Variants in DACT3 observed in about 807,000 individuals in gnomAD.
DACT3 encodes the protein dishevelled binding antagonist of beta catenin 3.
Under a neutral mutation model 19.6 loss-of-function variants are expected in DACT3, and 5 were observed. The ratio of observed to expected loss-of-function variants is 0.26; its 90% confidence interval spans 0.13 to 0.54. The LOEUF is 0.54. DACT3 is among the 20% of genes least tolerant of loss of function. DACT3 has a pLI of 0.95. For missense variants in DACT3, 908 were observed against 927.4 expected, an observed-to-expected ratio of 0.98 and a Z score of 0.27; for synonymous variants, 454 against 428.1, an observed-to-expected ratio of 1.06 and a Z score of -0.75.
At position 46,649,612 on chromosome 19, in the gene DACT3, A is replaced by G; in HGVS notation, c.760T>C (p.Ser254Pro). The G allele has an allele frequency of 2.6e-6, 3 of 1,133,110 alleles. No homozygotes were observed. The highest frequency in any genetic ancestry group is 3.3e-6 in the Non-Finnish European group (3 of 922,058). The allele number at this position is 1,133,110 out of a possible 1,614,324, so 70.2% of individuals were successfully genotyped here. A position where few individuals can be genotyped will look rare whatever the true frequency, so the allele number is the denominator to read the frequency against. Residue 254 changes from serine to proline, a missense_variant, in exon 4 of 4, where the codon TCG (serine) becomes CCG (proline). Physicochemically the swap from Ser to Pro is moderately conservative, Grantham distance 74. This residue lies in a region of DACT3 where 656 missense variants were observed against 601.8 expected (regional missense o/e 1.09). Coordinates refer to ENST00000391916, the MANE Select transcript of DACT3 (RefSeq NM_145056.3). ...CGGCGGCGCCTGCGCAGGAGCGCCG[A>G]GATGTAGCCGTCCAGGGGCCGCCCT... ...GAGRPLDGYI[S>P]ALLRRRRRRG...
rs1253373949 is a variant in DACT3, at chr19:46,648,907, G to A, written c.1465C>T (p.Arg489Cys). The A allele has an allele frequency of 1.8e-5, 25 of 1,356,828 alleles. No homozygotes were observed. The highest frequency in any genetic ancestry group is 2.7e-4 in the Middle Eastern group (1 of 3,702). 84.0% of individuals were successfully genotyped at this position (1,356,828 alleles called of 1,614,324 possible). A position where few individuals can be genotyped will look rare whatever the true frequency, so the allele number is the denominator to read the frequency against. The change falls in exon 4 of 4, where the codon CGC (arginine) becomes TGC (cysteine). Residue 489 changes from arginine (R) to cysteine (C), a missense_variant. Physicochemically the swap from Arg to Cys is radical, Grantham distance 180 (BLOSUM62 -3). Coordinates refer to ENST00000391916, the MANE Select transcript of DACT3 (RefSeq NM_145056.3). This position sits in a 1 kb window ranked among gnomAD's most constrained non-coding sequence, Gnocchi z 5.1. ...GCCGCAGGGGCTCGGGGCCGCACGC[G>A]GCGCCCATCGGCAGCGTCGATCTCC... is the stretch of plus-strand genomic sequence containing the variant. ...TAEIDAADGR[R>C]VRPRAPAARV...
intron 3 of DACT3, chr19:46,651,827 G>A (rs1483613208): frequency 6.6e-6 from 1 of 152,082 alleles, no homozygotes; most frequent in African/African-American, 2.4e-5. Flanking sequence ...AGCCTCCCAA[G>A]TAGCTGGGAT....
At chr19:46,655,308 C>T (rs2053024635) in intron 1 of DACT3, among the ~76,000 whole-genome samples, 1 of 152,026 alleles carries the variant, frequency 6.6e-6, no homozygotes, top group African/African-American at 2.4e-5. Flanking sequence ...GTAATGACCT[C>T]TTGATTTAAA....
chr19:46,658,476 C>T (rs1469051678), intron 1 of DACT3, among the ~76,000 whole-genome samples: 6 of 152,158 alleles, frequency 3.9e-5, no homozygotes, highest in African/African-American at 4.8e-5. Context: ...AGTCTAATTC[C>T]GGTTCTTCCA....
At position 46,649,100 on chromosome 19, in the gene DACT3, G is replaced by C; in HGVS notation, c.1272C>G (p.Ser424=). The change falls in exon 4 of 4, where the codon TCC becomes TCG. Residue 424 remains serine, a synonymous_variant. Transcript: ENST00000391916. The part of the protein sequence containing the change: ...GSPRARKASR[S]QSETSLLGRA... ...GGCCCAGCAGGCTGGTCTCAGACTG[G>C]GAGCGCGAGGCCTTGCGGGCCCTGG... 7.7e-7 allele frequency: 1 copy of C among 1,298,304 alleles called. No individual in the cohort carries two copies. The highest frequency in any genetic ancestry group is 9.8e-7 in the Non-Finnish European group (1 of 1,024,652). 80.4% of individuals were successfully genotyped at this position (1,298,304 alleles called of 1,614,324 possible).
At chr19:46,653,127 A>T in intron 1 of DACT3, 52 bp from the exon 2 acceptor site, 1 of 1,543,442 alleles carries the variant, frequency 6.5e-7, no homozygotes, top group South Asian at 1.2e-5. Context: ...TCCTCTGCCG[A>T]CTGGTCCCCT....
intron 1 of DACT3, chr19:46,654,935 G>A: frequency 1.0e-6 from 1 of 985,136 alleles, no homozygotes; most frequent in Non-Finnish European, 1.2e-6. Context: ...TTCCACTCTG[G>A]GCTCCTGCCC....
At chr19:46,649,984 T>G in intron 3 of DACT3, 112 bp from the exon 4 acceptor site, 1 of 1,197,474 alleles carries the variant, frequency 8.4e-7, no homozygotes, top group Non-Finnish European at 1.1e-6. Context: ...CTCCCTTCCA[T>G]CCTCATCGCA....
At position 46,649,055 on chromosome 19, in the gene DACT3, C is replaced by T. The variant is rs1213458795; in HGVS notation, c.1317G>A (p.Ser439=). 1.6e-6 allele frequency: 2 copies of T among 1,287,162 alleles called. No homozygotes were observed. The highest frequency in any genetic ancestry group is 2.2e-5 in the South Asian group (1 of 44,506). The allele number at this position is 1,287,162 out of a possible 1,614,324, so 79.7% of individuals were successfully genotyped here. A position where few individuals can be genotyped will look rare whatever the true frequency, so the allele number is the denominator to read the frequency against. The change falls in exon 4 of 4, where the codon TCG becomes TCA. Residue 439 remains serine, a synonymous_variant. Transcript: ENST00000391916. Reference sequence around the variant, plus strand: ...CCGCCGTGGGGTACTTAGGGGGCCCCGAAGGGACCGCGGAGGCGCGGCCCA... The same window carrying T: ...CCGCCGTGGGGTACTTAGGGGGCCCTGAAGGGACCGCGGAGGCGCGGCCCA... ...SLLGRASAVP[S]GPPKYPTAER...
intron 3 of DACT3, chr19:46,651,963 G>C (rs1182905528): frequency 6.6e-6 from 1 of 152,014 alleles, no homozygotes; most frequent in East Asian, 1.9e-4. Flanking sequence ...GCTCCATCTT[G>C]GCTCACTGCA....
intron 1 of DACT3, chr19:46,653,971 A>G (rs1432366849): frequency 1.0e-6 from 1 of 984,894 alleles, no homozygotes; most frequent in Non-Finnish European, 1.2e-6. Context: ...TTTCCCCCAT[A>G]TGGGTAAAAT....
chr19:46,648,611 C>T lies in DACT3; in HGVS notation c.1761G>A (p.Gly587=), dbSNP rs765765921. The T allele has an allele frequency of 6.2e-7, 1 of 1,613,258 alleles. No homozygotes were observed. The highest frequency in any genetic ancestry group is 8.5e-7 in the Non-Finnish European group (1 of 1,179,680). The change falls in exon 4 of 4, where the codon GGG becomes GGA. Residue 587 remains glycine, a synonymous_variant. Coordinates refer to ENST00000391916, the MANE Select transcript of DACT3 (RefSeq NM_145056.3). The surrounding 1 kb of genome is among the most constrained non-coding windows in gnomAD (Gnocchi z 5.1). ...CGGGCGCCCCTGCACCTGCTCCACCCCCAGAGGCCGCGGTGGCCGCCACCA... is the reference window on the plus strand; with the variant it reads ...CGGGCGCCCCTGCACCTGCTCCACCTCCAGAGGCCGCGGTGGCCGCCACCA... ...QQLVAATAAS[G]GGAGAGAPAG... is the part of the protein sequence containing the mutation.
intron 1 of DACT3, among the ~76,000 whole-genome samples, chr19:46,655,901 GTCTC>G (rs140521907): frequency 1.5e-5 from 2 of 131,850 alleles, no homozygotes; most frequent in Admixed American, 7.9e-5. Context: ...GTGAGACCCA[GTCTC>G]TCTCTCTCTC....
rs1488803510 is a variant in DACT3 at position 46,649,574 on chromosome 19, G to A, written c.798C>T (p.Gly266=). 1.8e-6 allele frequency: 2 copies of A among 1,083,412 alleles called. No homozygotes were observed. The highest frequency in any genetic ancestry group is 1.6e-4 in the East Asian group (2 of 12,692). The allele number at this position is 1,083,412 out of a possible 1,614,324, so 67.1% of individuals were successfully genotyped here. ...LLRRRRRRGA[G]QPRTSPGGAD... The stretch of plus-strand genomic sequence containing the variant: ...CGCCCCCGGGACTGGTCCGGGGCTG[G>A]CCCGCCCCCCGGCGGCGGCGCCTGC... Residue 266 remains glycine, a synonymous_variant, in exon 4 of 4, where the codon GGC becomes GGT. Transcript: ENST00000391916.
rs1340160063 is a variant in DACT3, at chr19:46,658,268, A to T, written c.249+2548T>A. 2.7e-5 allele frequency among the ~76,000 whole-genome samples: 4 copies of T among 147,114 alleles called. No individual in the cohort carries two copies. In the East Asian group the frequency reaches 8.2e-4, roughly 30 times the overall value. On this transcript the variant is annotated intron_variant, in intron 1 of 3. Transcript: ENST00000391916. ...AAATTAGCCAAATGTGGCGGTGTGC[A>T]CCTGTAGTCCTAGCTTCTTGGGAGG...
chr19:46,661,027 C>T lies in DACT3; in HGVS notation c.38G>A (p.Arg13Gln). The T allele has an allele frequency of 2.0e-6, 3 of 1,524,990 alleles. No homozygotes were observed. The highest frequency in any genetic ancestry group is 1.8e-4 in the Middle Eastern group (1 of 5,544). The allele number at this position is 1,524,990 out of a possible 1,614,324, so 94.5% of individuals were successfully genotyped here. ...CTCCAGCCAGCCCCGCAGCCGGCCC[C>T]GCTCAGGGCTCACCGGGAACGAGAA... ...RAFSFPVSPE[R>Q]GRLRGWLEGS... The change falls in exon 1 of 4, where the codon CGG becomes CAG. Residue 13 changes from arginine to glutamine, a missense_variant. Around this residue, in one of 2 missense-constraint regions of DACT3, gnomAD observed 252 missense variants for 325.6 expected, o/e 0.77. Transcript: ENST00000391916.
intron 3 of DACT3, chr19:46,652,154 A>G (rs540787457): frequency 1.9e-5 from 3 of 155,866 alleles, no homozygotes; most frequent in African/African-American, 7.2e-5. Context: ...TTGGCCTCCC[A>G]AAGTGTTGGG....
At position 46,649,738 on chromosome 19, in the gene DACT3, C is replaced by G; in HGVS notation, c.634G>C (p.Ala212Pro). 3 of 1,266,626 alleles carry G rather than the reference C, an allele frequency of 2.4e-6. No homozygotes were observed. The highest frequency in any genetic ancestry group is 3.0e-6 in the Non-Finnish European group (3 of 1,006,826). The allele number at this position is 1,266,626 out of a possible 1,614,324, so 78.5% of individuals were successfully genotyped here. Residue 212 changes from alanine to proline, a missense_variant, in exon 4 of 4, where the codon GCC (alanine) becomes CCC (proline). Ala to Pro is a conservative substitution (Grantham distance 27). Transcript: ENST00000391916. ...GGGCTGGGCGTCAGAAAGGGCCCGGCGCGGGCCCGCCGCTCCGCCGAGGAG... is the reference window on the plus strand; with the variant it reads ...GGGCTGGGCGTCAGAAAGGGCCCGGGGCGGGCCCGCCGCTCCGCCGAGGAG... ...ACSSAERRAR[A>P]GPFLTPSPLH... is the part of the protein sequence containing the mutation.
rs1229271744 is a variant in DACT3, at chr19:46,660,747, C to T, written c.249+69G>A. On this transcript the variant is annotated intron_variant, in intron 1 of 3. Coordinates refer to ENST00000391916, the MANE Select transcript of DACT3 (RefSeq NM_145056.3). The surrounding 1 kb of genome is among the most constrained non-coding windows in gnomAD (Gnocchi z 4.9). ...CGGGTCCCCAACCCCCGCCCGGTGT[C>T]TGAGCATCCAACCGAGACAGACAGA... The T allele has an allele frequency of 1.3e-5, 18 of 1,406,028 alleles. No individual in the cohort carries two copies. Among genetic ancestry groups the T allele is most frequent in the Non-Finnish European group, 1.7e-5 (18 of 1,083,530 alleles). The allele number at this position is 1,406,028 out of a possible 1,614,324, so 87.1% of individuals were successfully genotyped here.
Sources: allele counts gnomAD v4.1 joint callset (sites outside exome capture counted in the v4.1 genomes callset), GRCh38; gene constraint gnomAD v4.1.1; regional missense constraint gnomAD v4.1.1; non-coding constraint Gnocchi (gnomAD v3.1); transcripts MANE v1.5; gene names NCBI Gene and HGNC (gene_info 2026-07-23, HGNC 2026-07-21).